The following HHAT variants were observed in gnomAD, a reference collection of about 807,000 sequenced individuals.
The protein encoded by HHAT is hedgehog acyltransferase, also known as protein-cysteine N-palmitoyltransferase HHAT.
In HHAT, 47 loss-of-function variants were observed where a neutral mutation model predicts 70.8. That is an observed-to-expected ratio of 0.66 (90% CI 0.53 to 0.85). The LOEUF (loss-of-function observed/expected upper bound fraction) is 0.85. Among genes scored for constraint, HHAT ranks in the 40% least tolerant of loss-of-function variants. HHAT has a pLI of 0.00. For synonymous variants in HHAT, 228 were observed against 247.6 expected (o/e 0.92, Z 0.74); for missense variants, 609 against 604.8 (o/e 1.01, Z -0.07).
chr1:210,511,797 T>TC (rs2094957928), intron 8 of HHAT, among the ~76,000 whole-genome samples: 1 of 45,674 alleles, frequency 2.2e-5, no homozygotes, highest in African/African-American at 7.4e-5. Context: ...TTTTTTTTTT[T>TC]TTTTTTTTTT....
At chr1:210,426,193 T>C (rs1296131342) in intron 7 of HHAT, among the ~76,000 whole-genome samples, 5 of 152,354 alleles carry the variant, frequency 3.3e-5, no homozygotes, top group African/African-American at 1.2e-4. Context: ...ACATTGATTT[T>C]GTATCCTGAG....
At chr1:210,545,379 A>G (rs2095474097) in intron 9 of HHAT, among the ~76,000 whole-genome samples, 1 of 149,346 alleles carries the variant, frequency 6.7e-6, no homozygotes, top group Non-Finnish European at 1.5e-5. Context: ...TCCTTCTCTC[A>G]CTTGCTTAAT....
chr1:210,445,268 T>A (rs934483679), intron 7 of HHAT, among the ~76,000 whole-genome samples: 1 of 152,232 alleles, frequency 6.6e-6, no homozygotes. Context: ...CTTCTGCATT[T>A]TGTCCAGATA....
intron 2 of HHAT, among the ~76,000 whole-genome samples, chr1:210,357,234 T>C (rs1195099295): frequency 1.3e-5 from 2 of 152,090 alleles, no homozygotes; most frequent in East Asian, 3.9e-4. Context: ...AGGTAGGTGT[T>C]GGGGGTTCAG....
At chr1:210,673,769 A>G (rs201918603) in intron 11 of HHAT, among the ~76,000 whole-genome samples, 1 of 20,606 alleles carries the variant, frequency 4.9e-5, no homozygotes, top group African/African-American at 4.5e-4. Flanking sequence ...TTTATTATTT[A>G]TTTATTTATT....
At chr1:210,447,972 A>G (rs1020870086) in intron 7 of HHAT, among the ~76,000 whole-genome samples, 1 of 151,920 alleles carries the variant, frequency 6.6e-6, no homozygotes, top group Admixed American at 6.6e-5. Flanking sequence ...CTTGAAGGGG[A>G]TGTGGCTGGA....
intron 7 of HHAT, among the ~76,000 whole-genome samples, chr1:210,431,096 T>G (rs1265746027): frequency 6.6e-6 from 1 of 151,928 alleles, no homozygotes; most frequent in African/African-American, 2.4e-5. Flanking sequence ...TTCTTTGGTG[T>G]CTGTGTTTGG....
intron 6 of HHAT, among the ~76,000 whole-genome samples, chr1:210,410,808 GA>G (rs1269773485): frequency 2.6e-5 from 4 of 152,178 alleles, no homozygotes; most frequent in African/African-American, 9.7e-5. Flanking sequence ...TTACACGCAT[GA>G]GCCACCATGC....
intron 11 of HHAT, among the ~76,000 whole-genome samples, chr1:210,642,446 G>T (rs969569056): frequency 3.5e-4 from 54 of 152,242 alleles, no homozygotes; most frequent in Middle Eastern, 6.8e-3. Context: ...TTTTCCAGTG[G>T]GGTTGCACCA....
At chr1:210,574,475 A>G (rs886669423) in intron 9 of HHAT, among the ~76,000 whole-genome samples, 1 of 152,258 alleles carries the variant, frequency 6.6e-6, no homozygotes, top group Non-Finnish European at 1.5e-5. Flanking sequence ...ATGGGAATCC[A>G]CTGCAAGTGG....
At chr1:210,542,341 C>T (rs1055802987) in intron 9 of HHAT, among the ~76,000 whole-genome samples, 32 of 152,178 alleles carry the variant, frequency 2.1e-4, no homozygotes, top group African/African-American at 7.5e-4. Context: ...GGGACATGGT[C>T]ATCCCTCTGG....
At chr1:210,645,183 C>A (rs909947542) in intron 11 of HHAT, among the ~76,000 whole-genome samples, 1 of 152,134 alleles carries the variant, frequency 6.6e-6, no homozygotes, top group Admixed American at 6.5e-5. Context: ...ACAGGCTTGC[C>A]GTCACACCTA....
chr1:210,669,619 T>C (rs1259865932), intron 11 of HHAT, among the ~76,000 whole-genome samples: 1 of 152,260 alleles, frequency 6.6e-6, no homozygotes, highest in African/African-American at 2.4e-5. Context: ...CCTGTTCATA[T>C]ATCTTTGACG....
intron 9 of HHAT, among the ~76,000 whole-genome samples, chr1:210,586,401 C>T (rs1660456475): frequency 6.6e-6 from 1 of 152,150 alleles, no homozygotes; most frequent in Non-Finnish European, 1.5e-5. Flanking sequence ...GACTGCACCA[C>T]TCTACTCCTG....
intron 8 of HHAT, among the ~76,000 whole-genome samples, chr1:210,501,256 G>T (rs12759944): frequency 0.19 from 28,650 of 152,126 alleles, 3,356 homozygotes; most frequent in Admixed American, 0.29. Context: ...TTCTTATTTT[G>T]GCCCATAGAC....
intron 7 of HHAT, among the ~76,000 whole-genome samples, chr1:210,425,738 C>T (rs1382543242): frequency 6.6e-6 from 1 of 152,126 alleles, no homozygotes; most frequent in Non-Finnish European, 1.5e-5. Context: ...GTTTTGGTTA[C>T]TATAGCCCTT....
chr1:210,380,918 C>T (rs895434939), intron 3 of HHAT, among the ~76,000 whole-genome samples: 14 of 151,996 alleles, frequency 9.2e-5, no homozygotes, highest in Non-Finnish European at 1.9e-4. Context: ...TGAAGAACTG[C>T]ATGAGTCTCA....
chr1:210,458,066 A>G (rs1034242370), intron 7 of HHAT, among the ~76,000 whole-genome samples: 1 of 152,202 alleles, frequency 6.6e-6, no homozygotes, highest in Admixed American at 6.5e-5. Context: ...TAAAAATCTA[A>G]AAATTTATAT....
chr1:210,372,189 T>C (rs982396594), intron 3 of HHAT, among the ~76,000 whole-genome samples: 1 of 152,210 alleles, frequency 6.6e-6, no homozygotes, highest in African/African-American at 2.4e-5. Flanking sequence ...AAGCTGGCCC[T>C]GGCATGCCAT....
Sources: gnomAD v4.1 joint callset for allele counts (sites outside exome capture counted in the v4.1 genomes callset) on GRCh38, gnomAD v4.1.1 for gene constraint, MANE v1.5 for transcripts, NCBI Gene and HGNC (gene_info 2026-07-23, HGNC 2026-07-21) for gene names.